The following EYS variants were observed in gnomAD, a reference collection of about 807,000 sequenced individuals.
The protein encoded by EYS is EGF-like photoreceptor maintenance factor.
A neutral mutation model predicts 282.1 loss-of-function variants in EYS; 250 were observed. The ratio of observed to expected loss-of-function variants is 0.89; its 90% CI spans 0.80 to 0.98. The LOEUF (loss-of-function observed/expected upper bound fraction) is 0.98, where lower values mean the gene tolerates loss of function less well. Ranked by LOEUF, EYS falls within the 50% of genes least tolerant of loss-of-function variation. The pLI is 0.00. For synonymous variants in EYS, 1,355 were observed against 1,282.9 expected, an observed-to-expected ratio of 1.06 and a Z score of -1.20; for missense variants, 4,016 against 3,709.0, an observed-to-expected ratio of 1.08 and a Z score of -2.15.
intron 31 of EYS, among the ~76,000 whole-genome samples, chr6:64,229,927 T>C (rs1233069341): frequency 1.3e-5 from 2 of 152,222 alleles, no homozygotes; most frequent in Non-Finnish European, 2.9e-5. Context: ...ATTAGTTGTA[T>C]AGACACAATG....
chr6:64,664,131 G>A (rs953847167), intron 22 of EYS, among the ~76,000 whole-genome samples: 1 of 152,196 alleles, frequency 6.6e-6, no homozygotes, highest in Non-Finnish European at 1.5e-5. Flanking sequence ...GAACAAACAT[G>A]GACCAGCAGA....
chr6:63,937,896 G>A (rs529454582), intron 35 of EYS, among the ~76,000 whole-genome samples: 18 of 152,296 alleles, frequency 1.2e-4, no homozygotes, highest in African/African-American at 2.4e-4. Flanking sequence ...TGTTACAGCA[G>A]TACAGACTAA....
At chr6:64,985,412 C>T (rs1392786347) in intron 14 of EYS, among the ~76,000 whole-genome samples, 1 of 151,436 alleles carries the variant, frequency 6.6e-6, no homozygotes, top group African/African-American at 2.4e-5. Flanking sequence ...TCAGTCTAGA[C>T]AATGAGGGAG....
intron 31 of EYS, among the ~76,000 whole-genome samples, chr6:64,098,603 C>CT (rs544031589): frequency 0.053 from 7,418 of 139,926 alleles, 545 homozygotes; most frequent in African/African-American, 0.16. Context: ...TTCTTTCTTT[C>CT]TTTTTTTTTT....
intron 28 of EYS, among the ~76,000 whole-genome samples, chr6:64,406,606 A>T (rs550720204): frequency 2.0e-5 from 3 of 152,338 alleles, no homozygotes; most frequent in Admixed American, 2.0e-4. Flanking sequence ...GAACTTACAC[A>T]CATTTACAAG....
chr6:65,057,816 C>A (rs1431701394), intron 12 of EYS, 89 bp from the exon 13 acceptor site: 1 of 900,920 alleles, frequency 1.1e-6, no homozygotes, highest in African/African-American at 1.7e-5. Flanking sequence ...AGCCTTTAAT[C>A]CACTTAGGAT....
intron 22 of EYS, among the ~76,000 whole-genome samples, chr6:64,744,563 A>C (rs1296557509): frequency 6.6e-6 from 1 of 152,184 alleles, no homozygotes; most frequent in Admixed American, 6.5e-5. Flanking sequence ...AAAGTTAAAC[A>C]ATCTGGCATT....
chr6:64,404,972 CTTATTTATTTTA>C (rs1773660390), intron 28 of EYS, among the ~76,000 whole-genome samples: 1 of 150,950 alleles, frequency 6.6e-6, no homozygotes, highest in African/African-American at 2.5e-5. Context: ...TTTTAACACT[CTTATTTATTTTA>C]TTTTATTTAT....
intron 22 of EYS, among the ~76,000 whole-genome samples, chr6:64,697,045 A>C (rs1770605366): frequency 6.6e-6 from 1 of 152,210 alleles, no homozygotes; most frequent in Admixed American, 6.5e-5. Context: ...TTACAACAGG[A>C]ACAAATCCTG....
chr6:64,730,659 G>A (rs1192792791), intron 22 of EYS, among the ~76,000 whole-genome samples: 2 of 151,880 alleles, frequency 1.3e-5, no homozygotes, highest in East Asian at 3.9e-4. Flanking sequence ...TATATTTTTA[G>A]TAGAGACGAG....
At chr6:64,151,363 A>ATATATTTATATATATATATAT (rs1491135650) in intron 31 of EYS, among the ~76,000 whole-genome samples, 1 of 62,854 alleles carries the variant, frequency 1.6e-5, no homozygotes, top group African/African-American at 7.1e-5. Context: ...ATATATATAT[A>ATATATTTATATATATATATAT]ATTTTTTTTT....
intron 12 of EYS, among the ~76,000 whole-genome samples, chr6:65,129,495 G>A (rs1775806793): frequency 6.6e-6 from 1 of 151,818 alleles, no homozygotes; most frequent in Non-Finnish European, 1.5e-5. Context: ...ATTAAAAAAT[G>A]GTCAAAGGAC....
chr6:64,312,388 T>C (rs1209444504), intron 29 of EYS, among the ~76,000 whole-genome samples: 1 of 152,070 alleles, frequency 6.6e-6, no homozygotes, highest in East Asian at 1.9e-4. Context: ...AGTCAGGGAC[T>C]TATAGATAAA....
intron 26 of EYS, among the ~76,000 whole-genome samples, chr6:64,561,499 A>C (rs1396749751): frequency 6.6e-6 from 1 of 152,110 alleles, no homozygotes; most frequent in Admixed American, 6.6e-5. Context: ...AAATCGATGT[A>C]CAAAAGTCAT....
At chr6:64,640,647 A>C (rs9363043) in intron 22 of EYS, among the ~76,000 whole-genome samples, 144,435 of 151,788 alleles carry the variant, frequency 0.95, 69,117 homozygotes, top group East Asian at 1. Context: ...TGCAGCACAC[A>C]AGCATGGCAC....
At chr6:65,266,567 G>A (rs920383104) in intron 12 of EYS, among the ~76,000 whole-genome samples, 18 of 151,782 alleles carry the variant, frequency 1.2e-4, no homozygotes, top group Admixed American at 6.6e-4. Context: ...TAAATTGATC[G>A]TGGTGCATAA....
At chr6:64,388,644 A>G in intron 29 of EYS, 46 bp downstream of exon 29, 3 of 1,368,616 alleles carry the variant, frequency 2.2e-6, no homozygotes, top group Non-Finnish European at 2.9e-6. Context: ...ATGATTTTCA[A>G]TAATTATTTT....
chr6:64,122,375 T>C (rs926914888), intron 31 of EYS, among the ~76,000 whole-genome samples: 3 of 152,206 alleles, frequency 2.0e-5, no homozygotes, highest in Non-Finnish European at 4.4e-5. Flanking sequence ...TCATTAGATA[T>C]ACTTTCTAGC....
chr6:64,413,950 C>A (rs1032419797), intron 28 of EYS, among the ~76,000 whole-genome samples: 3 of 152,146 alleles, frequency 2.0e-5, no homozygotes, highest in African/African-American at 4.8e-5. Flanking sequence ...ACCTTCTCCA[C>A]CACATAAGGA....
Sources: gnomAD v4.1 joint callset for allele counts (sites outside exome capture counted in the v4.1 genomes callset) on GRCh38, gnomAD v4.1.1 for gene constraint, MANE v1.5 for transcripts, NCBI Gene and HGNC (gene_info 2026-07-23, HGNC 2026-07-21) for gene names.